The following MALAT1 variants were observed in gnomAD, a reference collection of about 807,000 sequenced individuals.
MALAT1 encodes the protein metastasis associated lung adenocarcinoma transcript 1.
intron 3 of MALAT1, chr11:65,504,156 C>T (rs1246713297): frequency 1.9e-6 from 1 of 516,690 alleles, no homozygotes; most frequent in African/African-American, 1.9e-5. Context: ...TTCATGAAGC[C>T]ATTCAGGATT....
chr11:65,499,431 A>T (rs1225015624), exon 3 of MALAT1: 4 of 476,244 alleles, frequency 8.4e-6, no homozygotes, highest in Non-Finnish European at 1.7e-5. Context: ...AAGGTGACTT[A>T]AACAGCTTAA....
At chr11:65,505,661 A>AG in intron 3 of MALAT1, 1 of 519,044 alleles carries the variant, frequency 1.9e-6, no homozygotes, top group Non-Finnish European at 3.8e-6. Context: ...ATCGGTTTCA[A>AG]GGTAACGATG....
chr11:65,499,292 A>G (rs756269007), exon 3 of MALAT1: 2 of 512,672 alleles, frequency 3.9e-6, no homozygotes, highest in South Asian at 1.4e-5. Context: ...AAAGGTTTCT[A>G]AAACATGACG....
exon 3 of MALAT1, chr11:65,501,078 A>G (rs1301004239): frequency 2.0e-6 from 1 of 510,962 alleles, no homozygotes; most frequent in Non-Finnish European, 3.9e-6. Context: ...AATTTCAGCA[A>G]ATCTGTAAGC....
exon 3 of MALAT1, chr11:65,502,851 A>G (rs1312045518): frequency 4.0e-6 from 2 of 499,754 alleles, no homozygotes; most frequent in Non-Finnish European, 8.0e-6. Flanking sequence ...GAAAGCTACC[A>G]ATTTAAAGTT....
chr11:65,500,870 G>A (rs767576036), exon 3 of MALAT1: 10 of 518,402 alleles, frequency 1.9e-5, no homozygotes, highest in Admixed American at 7.8e-5. Flanking sequence ...GAGGTGTAAA[G>A]GGATTTATAT....
intron 3 of MALAT1, chr11:65,505,093 C>G: frequency 1.9e-6 from 1 of 518,986 alleles, no homozygotes; most frequent in Non-Finnish European, 3.8e-6. Context: ...TAGATTTCAG[C>G]TTTATGCTGG....
chr11:65,498,328 G>A (rs1480675088), intron 1 of MALAT1: 2 of 517,820 alleles, frequency 3.9e-6, no homozygotes, highest in Non-Finnish European at 7.7e-6. Flanking sequence ...TTTCCGTGCG[G>A]GCCGTGGGGG....
chr11:65,500,654 G>A (rs756062683), exon 3 of MALAT1: 1 of 518,984 alleles, frequency 1.9e-6, no homozygotes, highest in Non-Finnish European at 3.8e-6. Flanking sequence ...GATGAAGGTA[G>A]CAGGCGGCTT....
exon 3 of MALAT1, chr11:65,501,831 T>C (rs776927653): frequency 3.9e-6 from 2 of 517,374 alleles, no homozygotes; most frequent in Non-Finnish European, 7.7e-6. Context: ...TTCTTAAAAG[T>C]TTTATTAAAG....
At chr11:65,505,453 G>C (rs377008075) in intron 3 of MALAT1, 1 of 511,038 alleles carries the variant, frequency 2.0e-6, no homozygotes, top group Non-Finnish European at 3.9e-6. Flanking sequence ...AATCTCAAGC[G>C]GTGCTTGAAG....
chr11:65,501,603 A>G (rs1262736085), exon 3 of MALAT1: 2 of 518,840 alleles, frequency 3.9e-6, no homozygotes, highest in East Asian at 5.4e-5. Flanking sequence ...ATGCTATAGT[A>G]CTATTGACAA....
chr11:65,499,371 A>T, exon 3 of MALAT1: 1 of 491,938 alleles, frequency 2.0e-6, no homozygotes, highest in Non-Finnish European at 4.1e-6. Flanking sequence ...AAAGGACTAC[A>T]GAGCCCCGAA....
exon 3 of MALAT1, chr11:65,500,637 A>G (rs761547173): frequency 7.7e-6 from 4 of 518,926 alleles, no homozygotes; most frequent in South Asian, 1.4e-5. Flanking sequence ...AGCGAGTGCA[A>G]TTTGGTGATG....
chr11:65,498,927 CTA>C (rs1565673345), intron 2 of MALAT1: 1 of 518,832 alleles, frequency 1.9e-6, no homozygotes, highest in Admixed American at 1.9e-5. Flanking sequence ...AAACTAGAAC[CTA>C]TTTTTAACCG....
exon 2 of MALAT1, chr11:65,498,717 C>G (rs1565672883): frequency 1.9e-6 from 1 of 518,766 alleles, no homozygotes; most frequent in Non-Finnish European, 3.8e-6. Flanking sequence ...CAAGAGAACA[C>G]AAGAAGTGCT....
intron 3 of MALAT1, chr11:65,505,996 G>C: frequency 2.2e-6 from 1 of 461,802 alleles, no homozygotes; most frequent in South Asian, 1.6e-5. Context: ...AGCGGAAGCT[G>C]ATCTCCAATG....
intron 1 of MALAT1, chr11:65,498,228 C>T (rs575890443): frequency 1.9e-6 from 1 of 518,856 alleles, no homozygotes; most frequent in Admixed American, 1.9e-5. Context: ...AGTTGGTCTA[C>T]TTTAAAAGGC....
chr11:65,497,779 C>G (rs1255134605), exon 1 of MALAT1: 1 of 470,900 alleles, frequency 2.1e-6, no homozygotes, highest in Non-Finnish European at 4.2e-6. Flanking sequence ...ACTGGGGCCC[C>G]GCAACTGGCC....
Sources: allele counts gnomAD v4.1 joint callset, GRCh38; gene constraint gnomAD v4.1.1; transcripts MANE v1.5; gene names NCBI Gene and HGNC (gene_info 2026-07-23, HGNC 2026-07-21).